Variants in NUBPL observed in about 807,000 individuals in gnomAD.
The protein encoded by NUBPL is NUBP iron-sulfur cluster assembly factor, mitochondrial, also known as iron-sulfur cluster transfer protein NUBPL.
In NUBPL, 31 loss-of-function variants were observed where a neutral mutation model predicts 45.7. The observed-to-expected ratio is 0.68, with a 90% CI of 0.51 to 0.92. NUBPL has a LOEUF of 0.92. Among genes scored for constraint, NUBPL ranks in the 40% least tolerant of loss-of-function variants. The pLI, the probability that NUBPL is intolerant of heterozygous loss-of-function variation, is 0.00. For missense variants in NUBPL, 401 were observed against 398.7 expected, an observed-to-expected ratio of 1.01 and a Z score of -0.05; for synonymous variants, 144 against 140.9, an observed-to-expected ratio of 1.02 and a Z score of -0.15.
At chr14:31,811,882 G>C (rs2039812525) in intron 7 of NUBPL, among the ~76,000 whole-genome samples, 1 of 152,160 alleles carries the variant, frequency 6.6e-6, no homozygotes, top group African/African-American at 2.4e-5. Flanking sequence ...AGGTCCCTCA[G>C]CTGCAGGTCT....
chr14:31,758,472 C>G (rs572460703), intron 6 of NUBPL, among the ~76,000 whole-genome samples: 33 of 152,198 alleles, frequency 2.2e-4, no homozygotes, highest in African/African-American at 7.2e-4. Flanking sequence ...CAAATTTTCT[C>G]TTAGCATTTA....
chr14:31,675,673 T>C (rs1326249904), intron 6 of NUBPL, among the ~76,000 whole-genome samples: 2 of 152,196 alleles, frequency 1.3e-5, no homozygotes, highest in Non-Finnish European at 2.9e-5. Context: ...CTAGTACCCA[T>C]TTATGGGGAG....
chr14:31,744,617 C>CTTTTTTTT (rs34367142), intron 6 of NUBPL, among the ~76,000 whole-genome samples: 2 of 103,922 alleles, frequency 1.9e-5, no homozygotes, highest in Non-Finnish European at 3.6e-5. Context: ...TTTGTAGAAT[C>CTTTTTTTT]TTTTTTTTTT....
intron 4 of NUBPL, among the ~76,000 whole-genome samples, chr14:31,636,755 C>T (rs2035515176): frequency 6.6e-6 from 1 of 152,160 alleles, no homozygotes; most frequent in Admixed American, 6.5e-5. Flanking sequence ...TTGATTATTG[C>T]CACAATTTCA....
intron 7 of NUBPL, among the ~76,000 whole-genome samples, chr14:31,802,088 G>A (rs2039601719): frequency 6.6e-6 from 1 of 152,178 alleles, no homozygotes; most frequent in Non-Finnish European, 1.5e-5. Flanking sequence ...AAGTGATTGG[G>A]TCATCAGGGC....
chr14:31,763,165 A>G (rs376084348), intron 6 of NUBPL, among the ~76,000 whole-genome samples: 1 of 152,166 alleles, frequency 6.6e-6, no homozygotes, highest in South Asian at 2.1e-4. Context: ...CATTTTCTAG[A>G]AAGAATATAG....
At chr14:31,678,931 C>T (rs2036763885) in intron 6 of NUBPL, among the ~76,000 whole-genome samples, 1 of 152,160 alleles carries the variant, frequency 6.6e-6, no homozygotes, top group Non-Finnish European at 1.5e-5. Context: ...CACTCCAGCT[C>T]GTGGTGTTGA....
intron 6 of NUBPL, among the ~76,000 whole-genome samples, chr14:31,708,126 G>C (rs1356753185): frequency 6.6e-6 from 1 of 152,204 alleles, no homozygotes; most frequent in Non-Finnish European, 1.5e-5. Context: ...AGGAATTACT[G>C]CCTCATTGAT....
At chr14:31,758,519 G>T (rs960114977) in intron 6 of NUBPL, among the ~76,000 whole-genome samples, 12 of 152,050 alleles carry the variant, frequency 7.9e-5, no homozygotes, top group Admixed American at 5.9e-4. Flanking sequence ...TTAATGTCAT[G>T]TCTTGTTTAA....
intron 6 of NUBPL, among the ~76,000 whole-genome samples, chr14:31,727,242 C>T (rs1238413474): frequency 1.3e-5 from 2 of 152,152 alleles, no homozygotes; most frequent in African/African-American, 4.8e-5. Context: ...GTAGAATGCT[C>T]TTACGTATTT....
intron 8 of NUBPL, among the ~76,000 whole-genome samples, chr14:31,841,144 T>A (rs2040363965): frequency 6.6e-6 from 1 of 152,218 alleles, no homozygotes; most frequent in African/African-American, 2.4e-5. Flanking sequence ...AGTGCTGTTA[T>A]GAACATTGTT....
chr14:31,574,192 A>G (rs1043239228), intron 3 of NUBPL, among the ~76,000 whole-genome samples: 3 of 152,236 alleles, frequency 2.0e-5, no homozygotes, highest in Non-Finnish European at 2.9e-5. Flanking sequence ...ATAAATTTTT[A>G]GTATTGCTAG....
chr14:31,599,700 A>G lies in NUBPL; in HGVS notation c.382+321A>G, dbSNP rs56188755. On this transcript the variant is annotated intron_variant, in intron 4 of 10. Coordinates refer to ENST00000281081, the MANE Select transcript of NUBPL (RefSeq NM_025152.3). ...ACATTTAAGAAAGATTAATAAAAAC[A>G]ATATAATTATTTACACAATTTTTAG... 2.8e-3 allele frequency among the ~76,000 whole-genome samples: 418 copies of G among 151,042 alleles called. 2 individuals are homozygous for G. The highest frequency in any genetic ancestry group is 9.3e-3 in the African/African-American group (386 of 41,452).
At chr14:31,859,027 A>C in intron 10 of NUBPL, 91 bp from the exon 11 acceptor site, 7 of 1,086,478 alleles carry the variant, frequency 6.4e-6, no homozygotes, top group Non-Finnish European at 7.0e-6. Context: ...TTTTACTATC[A>C]AATACAGTGG....
At chr14:31,653,288 G>A (rs2036056869) in intron 4 of NUBPL, among the ~76,000 whole-genome samples, 1 of 152,128 alleles carries the variant, frequency 6.6e-6, no homozygotes, top group South Asian at 2.1e-4. Context: ...ACCAGGGTGG[G>A]GTTTTTCCCC....
At chr14:31,698,631 A>G (rs2037265891) in intron 6 of NUBPL, among the ~76,000 whole-genome samples, 1 of 152,162 alleles carries the variant, frequency 6.6e-6, no homozygotes. Context: ...GTTATAAATA[A>G]AAAAGGCACG....
intron 6 of NUBPL, among the ~76,000 whole-genome samples, chr14:31,715,171 C>T (rs1416147970): frequency 6.6e-6 from 1 of 152,152 alleles, no homozygotes; most frequent in Non-Finnish European, 1.5e-5. Flanking sequence ...ATTTGATCTA[C>T]TGATCGTAAA....
At chr14:31,736,450 C>T (rs2038167603) in intron 6 of NUBPL, among the ~76,000 whole-genome samples, 1 of 152,062 alleles carries the variant, frequency 6.6e-6, no homozygotes, top group Non-Finnish European at 1.5e-5. Context: ...GTTTTGCCTG[C>T]CCTTGAACTT....
At chr14:31,624,559 C>CTTTATTTA (rs998742075) in intron 4 of NUBPL, among the ~76,000 whole-genome samples, 5 of 151,878 alleles carry the variant, frequency 3.3e-5, no homozygotes, top group Non-Finnish European at 5.9e-5. Flanking sequence ...TGACTAAAGA[C>CTTTATTTA]TTTATTTATT....
Sources: gnomAD v4.1 joint callset for allele counts (sites outside exome capture counted in the v4.1 genomes callset) on GRCh38, gnomAD v4.1.1 for gene constraint, MANE v1.5 for transcripts, NCBI Gene and HGNC (gene_info 2026-07-23, HGNC 2026-07-21) for gene names.